The following NARS2 variants were observed in gnomAD, a reference collection of about 807,000 sequenced individuals.
NARS2 encodes asparaginyl-tRNA synthetase.
A neutral mutation model predicts 62.9 loss-of-function variants in NARS2; 60 were observed. The ratio of observed to expected loss-of-function variants is 0.95; its 90% CI spans 0.77 to 1.18. The LOEUF (loss-of-function observed/expected upper bound fraction) is 1.18. Among genes scored for constraint, NARS2 ranks in the 50% most tolerant of loss-of-function variants. The pLI is 0.00. For synonymous variants in NARS2, 196 were observed against 200.0 expected, an observed-to-expected ratio of 0.98 and a Z score of 0.17; for missense variants, 619 against 576.4, an observed-to-expected ratio of 1.07 and a Z score of -0.76.
intron 7 of NARS2, among the ~76,000 whole-genome samples, chr11:78,485,625 G>C (rs570837225): frequency 6.6e-6 from 1 of 152,250 alleles, no homozygotes; most frequent in East Asian, 1.9e-4. Context: ...CTAGAAGAAA[G>C]CTCCTACTAC....
intron 5 of NARS2, among the ~76,000 whole-genome samples, chr11:78,545,639 C>G (rs1471618480): frequency 6.6e-6 from 1 of 151,484 alleles, no homozygotes; most frequent in Admixed American, 6.6e-5. Context: ...ATTCTTGTGC[C>G]TCAGCCTCCC....
At chr11:78,553,717 C>G (rs1319600037) in intron 5 of NARS2, among the ~76,000 whole-genome samples, 1 of 152,148 alleles carries the variant, frequency 6.6e-6, no homozygotes, top group Non-Finnish European at 1.5e-5. Context: ...GTTTATTCTG[C>G]TGACAGTTTC....
intron 6 of NARS2, among the ~76,000 whole-genome samples, chr11:78,522,034 G>C (rs1861147330): frequency 1.3e-5 from 2 of 152,038 alleles, no homozygotes; most frequent in African/African-American, 4.8e-5. Context: ...GCTTACTGCA[G>C]CCTCAATCTC....
chr11:78,465,726 T>C, intron 11 of NARS2, 150 bp downstream of exon 11: 2 of 847,532 alleles, frequency 2.4e-6, no homozygotes, highest in Non-Finnish European at 3.6e-6. Flanking sequence ...TGGGATCTTC[T>C]TTGGGAAAAA....
intron 6 of NARS2, among the ~76,000 whole-genome samples, chr11:78,524,868 A>G (rs1234484435): frequency 2.0e-5 from 3 of 152,094 alleles, no homozygotes; most frequent in Non-Finnish European, 4.4e-5. Context: ...AAGCCTGGGA[A>G]ATCTGCCAAA....
At chr11:78,566,617 T>C (rs945726467) in intron 3 of NARS2, among the ~76,000 whole-genome samples, 15 of 152,320 alleles carry the variant, frequency 9.8e-5, no homozygotes, top group Middle Eastern at 6.8e-3. Flanking sequence ...ATCCACTGTT[T>C]GGCACACAGG....
intron 11 of NARS2, among the ~76,000 whole-genome samples, chr11:78,450,558 C>A (rs1203039687): frequency 6.6e-6 from 1 of 151,554 alleles, no homozygotes; most frequent in Non-Finnish European, 1.5e-5. Context: ...ATCTTTTGAG[C>A]AAAGCATTCC....
chr11:78,459,859 A>G (rs1858324265), intron 11 of NARS2, among the ~76,000 whole-genome samples: 1 of 152,218 alleles, frequency 6.6e-6, no homozygotes, highest in Non-Finnish European at 1.5e-5. Context: ...AAAGGTTATG[A>G]TGGATTAAGA....
At chr11:78,505,809 T>C (rs1400939245) in intron 6 of NARS2, among the ~76,000 whole-genome samples, 3 of 152,032 alleles carry the variant, frequency 2.0e-5, no homozygotes, top group Non-Finnish European at 4.4e-5. Context: ...ATGTTGGCAA[T>C]CTTTTGGACA....
At chr11:78,493,260 T>A (rs1859908235) in intron 6 of NARS2, 65 bp from the exon 7 acceptor site, 2 of 1,473,752 alleles carry the variant, frequency 1.4e-6, no homozygotes, top group Non-Finnish European at 1.9e-6. Context: ...ATTTAAATAT[T>A]CAGTGAGCTC....
At chr11:78,541,820 G>T (rs547313022) in intron 5 of NARS2, among the ~76,000 whole-genome samples, 2 of 152,280 alleles carry the variant, frequency 1.3e-5, no homozygotes, top group South Asian at 2.1e-4. Flanking sequence ...TATCTCAAAT[G>T]CAGTTGCTAT....
At chr11:78,443,841 T>C (rs1857658480) in intron 11 of NARS2, 83 bp from the exon 12 acceptor site, 7 of 973,072 alleles carry the variant, frequency 7.2e-6, no homozygotes, top group Middle Eastern at 2.2e-4. Flanking sequence ...ACCTTTAACA[T>C]TTTGGCAATG....
rs574874644 is a variant in NARS2, at chr11:78,569,787, T to C, written c.252-1035A>G. ...TATCCTAAGGTTTCCTGGGAATATC[T>C]CAAAGAGACAGTCATCCTACAGAAA... is the stretch of plus-strand genomic sequence containing the variant. On this transcript the variant is annotated intron_variant, in intron 2 of 13. Coordinates refer to ENST00000281038, the MANE Select transcript of NARS2 (RefSeq NM_024678.6). 3.9e-5 allele frequency among the ~76,000 whole-genome samples: 6 copies of C among 152,296 alleles called. 1 individual carries two copies. The South Asian group carries it at 1.2e-3, about 32-fold the overall frequency.
chr11:78,463,411 T>A (rs909207712), intron 11 of NARS2, among the ~76,000 whole-genome samples: 1 of 152,004 alleles, frequency 6.6e-6, no homozygotes, highest in African/African-American at 2.4e-5. Context: ...GCAGGCCAGG[T>A]GCAGTGGCTC....
chr11:78,507,807 C>T (rs933104700), intron 6 of NARS2, among the ~76,000 whole-genome samples: 1 of 152,126 alleles, frequency 6.6e-6, no homozygotes, highest in Non-Finnish European at 1.5e-5. Flanking sequence ...GCGTTAGCCA[C>T]TGGCACCCAG....
chr11:78,484,808 C>A (rs1196617033), intron 7 of NARS2, among the ~76,000 whole-genome samples: 1 of 152,160 alleles, frequency 6.6e-6, no homozygotes, highest in Non-Finnish European at 1.5e-5. Flanking sequence ...AGTTCAACCA[C>A]TGCGAAGACA....
At chr11:78,544,448 C>T (rs1208358430) in intron 5 of NARS2, among the ~76,000 whole-genome samples, 1 of 152,160 alleles carries the variant, frequency 6.6e-6, no homozygotes, top group Non-Finnish European at 1.5e-5. Flanking sequence ...CAGAATGCAT[C>T]TTCCATGTAA....
intron 7 of NARS2, among the ~76,000 whole-genome samples, chr11:78,481,499 T>A (rs939169115): frequency 2.0e-5 from 3 of 152,208 alleles, no homozygotes; most frequent in African/African-American, 7.2e-5. Flanking sequence ...CACCCATTTG[T>A]AAGATGAAGA....
chr11:78,437,436 T>C (rs910080127), intron 13 of NARS2, among the ~76,000 whole-genome samples: 1 of 152,190 alleles, frequency 6.6e-6, no homozygotes, highest in Non-Finnish European at 1.5e-5. Context: ...ATTCTCTGCC[T>C]TAGGCCTAGT....
Sources: gnomAD v4.1 joint callset for allele counts (sites outside exome capture counted in the v4.1 genomes callset) on GRCh38, gnomAD v4.1.1 for gene constraint, MANE v1.5 for transcripts, NCBI Gene and HGNC (gene_info 2026-07-23, HGNC 2026-07-21) for gene names.